Variants in KCNQ3 observed in about 807,000 individuals in gnomAD.
KCNQ3 encodes the protein potassium voltage-gated channel subfamily Q member 3, also known as potassium voltage-gated channel subfamily KQT member 3.
Under a neutral mutation model 92.5 loss-of-function variants are expected in KCNQ3, and 30 were observed. The observed-to-expected ratio is 0.32, with a 90% CI of 0.24 to 0.44. The LOEUF is 0.44. Among genes scored for constraint, KCNQ3 ranks in the 20% least tolerant of loss-of-function variants. The probability of loss-of-function intolerance (pLI) is 1.00; values close to 1 mark genes in which losing one functional copy is unlikely to be tolerated. For missense variants in KCNQ3, 913 were observed against 1,140.3 expected (o/e 0.80, Z 2.87); for synonymous variants, 450 against 468.8 (o/e 0.96, Z 0.52).
intron 1 of KCNQ3, among the ~76,000 whole-genome samples, chr8:132,478,298 G>A (rs1265715352): frequency 6.6e-6 from 1 of 152,178 alleles, no homozygotes; most frequent in Admixed American, 6.5e-5. Context: ...GGCTGGAGGT[G>A]CTGGCTGGGA....
intron 1 of KCNQ3, among the ~76,000 whole-genome samples, chr8:132,461,569 AAAAAG>A (rs892685191): frequency 5.9e-5 from 9 of 152,318 alleles, no homozygotes; most frequent in African/African-American, 1.2e-4. Context: ...CCGTCTCAAA[AAAAAG>A]AAAAGAAAAG....
In KCNQ3 at chr8:132,309,911, T is replaced by C. The variant is rs1026083268; in HGVS notation, c.387-123730A>G. Among the ~76,000 whole-genome samples, 101 of 152,368 alleles carry C rather than the reference T, an allele frequency of 6.6e-4. 1 individual carries two copies. Among genetic ancestry groups the C allele is most frequent in the African/African-American group, 2.3e-3 (95 of 41,594 alleles). ...CAGTTGGTCAGATACCCCGTCACCA[T>C]CTTTGCTTTGTTTAGGCATGACTTG... On this transcript the variant is annotated intron_variant, in intron 1 of 14. Coordinates refer to ENST00000388996, the MANE Select transcript of KCNQ3 (RefSeq NM_004519.4).
At chr8:132,442,983 C>T (rs1821577351) in intron 1 of KCNQ3, among the ~76,000 whole-genome samples, 1 of 152,212 alleles carries the variant, frequency 6.6e-6, no homozygotes, top group African/African-American at 2.4e-5. Flanking sequence ...AGACAGGCTC[C>T]TGAGGCCGAA....
chr8:132,388,369 G>C (rs139766558), intron 1 of KCNQ3, among the ~76,000 whole-genome samples: 1 of 152,104 alleles, frequency 6.6e-6, no homozygotes, highest in African/African-American at 2.4e-5. Flanking sequence ...AAACTAAAGA[G>C]TACGAGAAAA....
chr8:132,263,800 T>C (rs1815871142), intron 1 of KCNQ3, among the ~76,000 whole-genome samples: 1 of 152,204 alleles, frequency 6.6e-6, no homozygotes, highest in Non-Finnish European at 1.5e-5. Flanking sequence ...TGACTTCATC[T>C]TGGGCTCCCA....
At chr8:132,392,684 C>T (rs942241528) in intron 1 of KCNQ3, among the ~76,000 whole-genome samples, 1 of 150,806 alleles carries the variant, frequency 6.6e-6, no homozygotes, top group Non-Finnish European at 1.5e-5. Context: ...ATCTGTAATC[C>T]CAGCTACTCA....
rs1487984134 is a variant in KCNQ3 at position 132,122,023 on chromosome 8, T to A, written c.*7239A>T. On this transcript the variant is annotated 3_prime_UTR_variant, in exon 15 of 15. Coordinates refer to ENST00000388996, the MANE Select transcript of KCNQ3 (RefSeq NM_004519.4). ...CTCCAGGGAACTCATGGGTCTGTGA[T>A]CATTTTACTGTAAAGCTGAGTGAAC... The A allele has an allele frequency of 6.6e-6, 1 of 152,212 alleles. No homozygotes were observed. Among genetic ancestry groups the A allele is most frequent in the Non-Finnish European group, 1.5e-5 (1 of 68,038 alleles). The allele number at this position is 152,212 out of a possible 1,614,324, so 9.4% of individuals were successfully genotyped here. A position where few individuals can be genotyped will look rare whatever the true frequency, so the allele number is the denominator to read the frequency against.
chr8:132,439,948 ACCT>A (rs1821493944), intron 1 of KCNQ3, among the ~76,000 whole-genome samples: 1 of 152,142 alleles, frequency 6.6e-6, no homozygotes, highest in Non-Finnish European at 1.5e-5. Flanking sequence ...TGGTTCTGGG[ACCT>A]CCTGAGGATA....
intron 1 of KCNQ3, among the ~76,000 whole-genome samples, chr8:132,419,185 T>A (rs990001476): frequency 6.6e-6 from 1 of 152,146 alleles, no homozygotes; most frequent in African/African-American, 2.4e-5. Context: ...AGGCAGAAAT[T>A]CCTTCCACTG....
chr8:132,167,109 T>C (rs1586791637), intron 8 of KCNQ3, among the ~76,000 whole-genome samples: 5 of 152,246 alleles, frequency 3.3e-5, no homozygotes, highest in Non-Finnish European at 7.3e-5. Context: ...AAAAAGGTTC[T>C]GATAGGCGCT....
intron 1 of KCNQ3, among the ~76,000 whole-genome samples, chr8:132,261,341 G>T: frequency 6.6e-6 from 1 of 152,142 alleles, no homozygotes; most frequent in East Asian, 1.9e-4. Context: ...TCAAGGCTGC[G>T]TGCCTCACCC....
At chr8:132,434,737 A>G (rs934305434) in intron 1 of KCNQ3, among the ~76,000 whole-genome samples, 5 of 152,240 alleles carry the variant, frequency 3.3e-5, no homozygotes, top group African/African-American at 7.2e-5. Flanking sequence ...ATAGTTAGAC[A>G]TGGGCAAGGA....
intron 1 of KCNQ3, among the ~76,000 whole-genome samples, chr8:132,378,438 A>T (rs1253968936): frequency 6.6e-6 from 1 of 152,142 alleles, no homozygotes; most frequent in Admixed American, 6.5e-5. Context: ...AAGGAGGTAA[A>T]TATAATTTAT....
intron 1 of KCNQ3, among the ~76,000 whole-genome samples, chr8:132,339,236 T>C (rs563862335): frequency 1.3e-5 from 2 of 152,270 alleles, no homozygotes; most frequent in East Asian, 3.9e-4. Context: ...TAAGAAGCAA[T>C]GAGTTTTGTT....
rs116004086 is a variant in KCNQ3 at position 132,306,114 on chromosome 8, G to A, written c.387-119933C>T. ...CCATGTCAATCCATGTTTAGTGTGG[G>A]AACATAGACCTTTCAAATTCAGATA... On this transcript the variant is annotated intron_variant, in intron 1 of 14. Coordinates refer to ENST00000388996, the MANE Select transcript of KCNQ3 (RefSeq NM_004519.4). Among the ~76,000 whole-genome samples, 714 of 152,242 alleles carry A rather than the reference G, an allele frequency of 4.7e-3. 4 individuals are homozygous for A. The highest frequency in any genetic ancestry group is 0.017 in the African/African-American group (692 of 41,558).
chr8:132,386,499 G>A (rs1351960352), intron 1 of KCNQ3, among the ~76,000 whole-genome samples: 4 of 151,992 alleles, frequency 2.6e-5, no homozygotes, highest in Admixed American at 2.0e-4. Context: ...GAAATAGATG[G>A]TTTTAAAGGT....
chr8:132,373,613 G>T (rs1027265512), intron 1 of KCNQ3, among the ~76,000 whole-genome samples: 1 of 152,078 alleles, frequency 6.6e-6, no homozygotes, highest in Admixed American at 6.6e-5. Flanking sequence ...GCTAACCAGC[G>T]TAAGAACAAA....
intron 1 of KCNQ3, among the ~76,000 whole-genome samples, chr8:132,407,552 C>T (rs566951210): frequency 6.6e-6 from 1 of 152,270 alleles, no homozygotes; most frequent in South Asian, 2.1e-4. Flanking sequence ...ATTTTCAGTC[C>T]CAAGCCATCC....
At chr8:132,238,012 A>C (rs1033155218) in intron 1 of KCNQ3, among the ~76,000 whole-genome samples, 5 of 152,200 alleles carry the variant, frequency 3.3e-5, no homozygotes, top group African/African-American at 1.2e-4. Flanking sequence ...AAGCAGCCAG[A>C]AAGAGAACAC....
Sources: allele counts gnomAD v4.1 joint callset (sites outside exome capture counted in the v4.1 genomes callset), GRCh38; gene constraint gnomAD v4.1.1; transcripts MANE v1.5; gene names NCBI Gene and HGNC (gene_info 2026-07-23, HGNC 2026-07-21).